Variants in SUZ12 observed in about 807,000 individuals in gnomAD.
The protein encoded by SUZ12 is polycomb protein SUZ12.
In SUZ12, 17 loss-of-function variants were observed where a neutral mutation model predicts 87.3. That is an observed-to-expected ratio of 0.19 (90% CI 0.13 to 0.29). The LOEUF is 0.29. Ranked by LOEUF, SUZ12 falls within the 10% of genes least tolerant of loss-of-function variation. The probability of loss-of-function intolerance (pLI) is 1.00; values close to 1 mark genes in which losing one functional copy is unlikely to be tolerated. For missense variants in SUZ12, 526 were observed against 912.2 expected, an observed-to-expected ratio of 0.58 and a Z score of 5.45; for synonymous variants, 253 against 312.4, an observed-to-expected ratio of 0.81 and a Z score of 2.01.
At chr17:31,990,741 T>C (rs1236214843) in intron 10 of SUZ12, among the ~76,000 whole-genome samples, 1 of 152,034 alleles carries the variant, frequency 6.6e-6, no homozygotes, top group East Asian at 1.9e-4. Flanking sequence ...CAGTGTTCTA[T>C]CATTTTTATT....
At chr17:31,982,526 G>T (rs748842501) in intron 8 of SUZ12, among the ~76,000 whole-genome samples, 9 of 152,150 alleles carry the variant, frequency 5.9e-5, no homozygotes, top group Non-Finnish European at 8.8e-5. Context: ...GGGCATAGTG[G>T]CACGCGCCTG....
At chr17:31,972,087 C>T (rs1305475406) in intron 5 of SUZ12, among the ~76,000 whole-genome samples, 2 of 151,830 alleles carry the variant, frequency 1.3e-5, no homozygotes, top group Non-Finnish European at 2.9e-5. Context: ...AGTTCAAGAC[C>T]AGCCTAGCCA....
At chr17:31,970,698 G>A (rs1418124293) in intron 5 of SUZ12, among the ~76,000 whole-genome samples, 1 of 152,050 alleles carries the variant, frequency 6.6e-6, no homozygotes, top group East Asian at 1.9e-4. Context: ...CTACTCGGGA[G>A]GCTGAGGCAG....
rs767307030 is a variant in SUZ12 at position 31,995,696 on chromosome 17, A to G, written c.1728A>G (p.Pro576=). Residue 576 remains proline, a synonymous_variant, in exon 14 of 16, where the codon CCA becomes CCG. Transcript: ENST00000322652. The part of the protein sequence containing the change: ...FHSDTCLPLR[P]QEMEVDSEDE... The stretch of plus-strand genomic sequence containing the variant: ...GTGATACCTGCTTACCTCTCCGTCC[A>G]CAAGAAATGGAAGTAGATAGTGAAG... The G allele has an allele frequency of 1.5e-4, 245 of 1,614,008 alleles. No individual in the cohort carries two copies. Among genetic ancestry groups the G allele is most frequent in the Non-Finnish European group, 2.6e-5 (31 of 1,179,994 alleles).
Position 31,956,263 on chromosome 17 carries a change from G to A in SUZ12, c.455+8578G>A, listed in dbSNP as rs143878715. Among the ~76,000 whole-genome samples, 528 of 151,916 alleles carry A rather than the reference G, an allele frequency of 3.5e-3. 4 individuals are homozygous for A. Among genetic ancestry groups the A allele is most frequent in the African/African-American group, 0.011 (467 of 41,444 alleles). On this transcript the variant is annotated intron_variant, in intron 4 of 15. Coordinates refer to ENST00000322652, the MANE Select transcript of SUZ12 (RefSeq NM_015355.4). ...GTCTCACTCTGTCGCCAGCAGTCTC[G>A]ACTCACTGCAACCTCCGCCTCCTGG...
intron 9 of SUZ12, 28 bp from the exon 10 acceptor site, chr17:31,988,292 C>T (rs562394983): frequency 7.3e-6 from 11 of 1,503,592 alleles, no homozygotes; most frequent in South Asian, 1.3e-5. Flanking sequence ...TCTGAGTCTC[C>T]AGTCTTTGCA....
chr17:31,949,064 C>A (rs1356066526), intron 4 of SUZ12, among the ~76,000 whole-genome samples: 2 of 152,144 alleles, frequency 1.3e-5, no homozygotes, highest in Non-Finnish European at 2.9e-5. Context: ...TTTCAGGGTT[C>A]AAGTGAGAAG....
At chr17:31,983,233 A>G in intron 9 of SUZ12, 129 bp downstream of exon 9, 1 of 855,932 alleles carries the variant, frequency 1.2e-6, no homozygotes, top group Non-Finnish European at 1.8e-6. Flanking sequence ...AAAAAACACA[A>G]GTAAATGATC....
chr17:31,980,691 T>TCCCAC (rs1909053293), intron 8 of SUZ12, among the ~76,000 whole-genome samples: 1 of 151,886 alleles, frequency 6.6e-6, no homozygotes, highest in South Asian at 2.1e-4. Flanking sequence ...CAGGTGATCC[T>TCCCAC]CCCACCTCAG....
intron 9 of SUZ12, among the ~76,000 whole-genome samples, chr17:31,987,128 T>C (rs1247079884): frequency 6.6e-6 from 1 of 152,176 alleles, no homozygotes; most frequent in Admixed American, 6.6e-5. Context: ...GACTTGGTAA[T>C]TGCATGAGAA....
intron 4 of SUZ12, among the ~76,000 whole-genome samples, chr17:31,952,530 TA>T (rs534809780): frequency 1.7e-4 from 26 of 152,314 alleles, no homozygotes; most frequent in African/African-American, 6.0e-4. Context: ...TAGGGATTCT[TA>T]TGCTGTCCTA....
intron 4 of SUZ12, among the ~76,000 whole-genome samples, chr17:31,953,312 T>C (rs1265232793): frequency 3.3e-5 from 5 of 152,026 alleles, no homozygotes; most frequent in African/African-American, 1.2e-4. Flanking sequence ...GGGTTTCACC[T>C]ATTGGCCAGG....
chr17:31,972,053 G>A (rs1908463247), intron 5 of SUZ12, among the ~76,000 whole-genome samples: 1 of 151,970 alleles, frequency 6.6e-6, no homozygotes, highest in African/African-American at 2.4e-5. Flanking sequence ...GGAGGCCAAG[G>A]CAGGTGGATC....
At chr17:31,981,700 A>C (rs1343803860) in intron 8 of SUZ12, among the ~76,000 whole-genome samples, 2 of 152,222 alleles carry the variant, frequency 1.3e-5, no homozygotes, top group African/African-American at 2.4e-5. Flanking sequence ...AAAAATTCTT[A>C]AGTGTCAATC....
chr17:31,971,421 C>CT (rs11383306), intron 5 of SUZ12, among the ~76,000 whole-genome samples: 6,546 of 115,842 alleles, frequency 0.057, 372 homozygotes, highest in African/African-American at 0.12. Context: ...TCTCCTGCAA[C>CT]TTTTTTTTTT....
At chr17:31,942,056 G>A (rs1466618130) in intron 3 of SUZ12, among the ~76,000 whole-genome samples, 1 of 151,978 alleles carries the variant, frequency 6.6e-6, no homozygotes, top group African/African-American at 2.4e-5. Context: ...GTTTCACTAT[G>A]TTGGCCAAGC....
intron 8 of SUZ12, among the ~76,000 whole-genome samples, chr17:31,977,384 A>G (rs1165102342): frequency 6.6e-6 from 1 of 151,522 alleles, no homozygotes. Flanking sequence ...GGTTTGAGCA[A>G]GTCTCCTGCT....
chr17:31,969,586 C>T (rs1472695497), intron 5 of SUZ12, among the ~76,000 whole-genome samples: 2 of 152,288 alleles, frequency 1.3e-5, no homozygotes, highest in African/African-American at 2.4e-5. Flanking sequence ...TGAGCCACCA[C>T]GCCTATGTTG....
Position 31,985,158 on chromosome 17 carries a change from CAA to C in SUZ12, c.1023+2076_1023+2077del, listed in dbSNP as rs34227080. ...GGGGAAACAGAGCAAGACTCTGTCT[CAA>C]AAAAAAAAAAAAAAAAAAAAAGGTT... On this transcript the variant is annotated intron_variant, in intron 9 of 15. Coordinates refer to ENST00000322652, the MANE Select transcript of SUZ12 (RefSeq NM_015355.4). Among the ~76,000 whole-genome samples the C allele has an allele frequency of 9.9e-3, 723 of 72,866 alleles. 3 individuals are homozygous for C. The highest frequency in any genetic ancestry group is 0.033 in the African/African-American group (625 of 19,096). The allele number at this position is 72,866 out of a possible 152,430, so 47.8% of individuals were successfully genotyped here.
Sources: allele counts gnomAD v4.1 joint callset (sites outside exome capture counted in the v4.1 genomes callset), GRCh38; gene constraint gnomAD v4.1.1; transcripts MANE v1.5; gene names NCBI Gene and HGNC (gene_info 2026-07-23, HGNC 2026-07-21).